Variants in C12orf56 observed in about 807,000 individuals in gnomAD.
C12orf56 encodes the protein uncharacterized protein C12orf56.
A neutral mutation model predicts 69.9 loss-of-function variants in C12orf56; 71 were observed. The ratio of observed to expected loss-of-function variants is 1.02; its 90% CI spans 0.84 to 1.24. The LOEUF is 1.24. C12orf56 is among the 50% of genes most tolerant of loss of function. C12orf56 has a pLI of 0.00. For synonymous variants in C12orf56, 276 were observed against 274.1 expected (o/e 1.01, Z -0.07); for missense variants, 732 against 738.5 (o/e 0.99, Z 0.10).
At chr12:64,273,964 C>T (rs1308535896) in intron 11 of C12orf56, among the ~76,000 whole-genome samples, 4 of 152,262 alleles carry the variant, frequency 2.6e-5, no homozygotes, top group Non-Finnish European at 2.9e-5. Context: ...GGCTGTGACA[C>T]GGCAGAAGCA....
intron 1 of C12orf56, among the ~76,000 whole-genome samples, chr12:64,387,526 C>CA (rs2039810641): frequency 6.6e-6 from 1 of 151,870 alleles, no homozygotes; most frequent in Non-Finnish European, 1.5e-5. Flanking sequence ...AAAAACAAAA[C>CA]AAAAAAACAA....
chr12:64,299,331 C>G (rs1259888954), intron 6 of C12orf56, among the ~76,000 whole-genome samples: 2 of 152,186 alleles, frequency 1.3e-5, no homozygotes, highest in African/African-American at 2.4e-5. Flanking sequence ...CATCTGTGAA[C>G]AGAGACAATT....
chr12:64,330,442 A>G (rs1013830792), intron 3 of C12orf56, among the ~76,000 whole-genome samples: 5 of 152,014 alleles, frequency 3.3e-5, no homozygotes, highest in African/African-American at 1.2e-4. Context: ...TCCTTTACCA[A>G]CTGTCACCAG....
chr12:64,269,684 G>C (rs1032669395), intron 12 of C12orf56, among the ~76,000 whole-genome samples: 1 of 151,882 alleles, frequency 6.6e-6, no homozygotes, highest in African/African-American at 2.4e-5. Context: ...TGCCTCCTGG[G>C]TTCAAGTGAT....
chr12:64,299,698 A>G (rs1045472711), intron 6 of C12orf56, among the ~76,000 whole-genome samples: 1 of 152,272 alleles, frequency 6.6e-6, no homozygotes, highest in East Asian at 1.9e-4. Context: ...CAATCACTAT[A>G]GTAAAAGGGA....
intron 1 of C12orf56, among the ~76,000 whole-genome samples, chr12:64,359,456 T>C (rs921526471): frequency 1.1e-4 from 16 of 152,120 alleles, no homozygotes; most frequent in Non-Finnish European, 2.2e-4. Flanking sequence ...AAGATGTATT[T>C]CCTCCTTTAT....
chr12:64,300,958 G>GT (rs1285331898), intron 6 of C12orf56, among the ~76,000 whole-genome samples: 1 of 152,192 alleles, frequency 6.6e-6, no homozygotes, highest in African/African-American at 2.4e-5. Context: ...CATGCATGCT[G>GT]TTTTCACGAT....
intron 1 of C12orf56, among the ~76,000 whole-genome samples, chr12:64,385,501 A>T (rs528025596): frequency 1.2e-3 from 179 of 152,320 alleles, no homozygotes; most frequent in Non-Finnish European, 1.7e-3. Flanking sequence ...GCTGGGGCTC[A>T]GAGGCATAAA....
intron 3 of C12orf56, among the ~76,000 whole-genome samples, chr12:64,328,081 G>A (rs990526555): frequency 2.2e-4 from 33 of 151,986 alleles, no homozygotes; most frequent in African/African-American, 7.0e-4. Context: ...AGGTCCTCTT[G>A]TTCAAACTGT....
At chr12:64,375,373 T>C (rs2039626435) in intron 1 of C12orf56, among the ~76,000 whole-genome samples, 1 of 152,204 alleles carries the variant, frequency 6.6e-6, no homozygotes, top group African/African-American at 2.4e-5. Flanking sequence ...ATATTTATTT[T>C]AGAGTATGGA....
In C12orf56 at chr12:64,331,014, C is replaced by T; in HGVS notation, c.434G>A (p.Gly145Asp). 1 of 1,549,256 alleles carries T rather than the reference C, an allele frequency of 6.5e-7. No individual in the cohort carries two copies. Among genetic ancestry groups the T allele is most frequent in the Non-Finnish European group, 8.7e-7 (1 of 1,146,896 alleles). Residue 145 changes from glycine to aspartate, a missense_variant, in exon 3 of 13, where the codon GGC (glycine) becomes GAC (aspartate). Transcript: ENST00000543942. ...CTCTTTGCTTCTCCAAAAGGCAAGG[C>T]CGTTCTTTTCTTCCTTGACTTAAAA... ...NNKKVKEEKNGLAFWRSKESR... is the reference protein window; with the variant it reads ...NNKKVKEEKNDLAFWRSKESR...
chr12:64,330,885 A>T (rs2038921013), intron 3 of C12orf56, 75 bp downstream of exon 3: 3 of 1,285,560 alleles, frequency 2.3e-6, no homozygotes, highest in Non-Finnish European at 2.1e-6. Flanking sequence ...GAGAAAAAAA[A>T]TTAAGAAAAA....
chr12:64,277,482 C>T (rs1381611271), intron 9 of C12orf56, among the ~76,000 whole-genome samples, 198 bp downstream of exon 9: 1 of 151,808 alleles, frequency 6.6e-6, no homozygotes, highest in African/African-American at 2.4e-5. Context: ...GTTATTTTTT[C>T]CTTTTTCTTG....
rs749920039 is a variant in C12orf56, at chr12:64,286,044, T to G, written c.1130A>C (p.Tyr377Ser). The G allele has an allele frequency of 2.5e-6, 4 of 1,602,962 alleles. No individual in the cohort carries two copies. Among genetic ancestry groups the G allele is most frequent in the Non-Finnish European group, 3.4e-6 (4 of 1,172,420 alleles). Residue 377 changes from tyrosine to serine, a missense_variant, in exon 7 of 13, where the codon TAT becomes TCT. By Grantham distance (144) the Tyr-to-Ser change is moderately radical. Coordinates refer to ENST00000543942, the MANE Select transcript of C12orf56 (RefSeq NM_001170633.2). ...CTCATGAAGTTTGTTTACTATGAAA[T>G]AGAAAAGGTCACTGGTCTGTGAAAG... ...RLFWKTSDLFYFIVNKLHEYL... is the reference protein window; with the variant it reads ...RLFWKTSDLFSFIVNKLHEYL...
chr12:64,390,210 G>A (rs1258729321), intron 1 of C12orf56, 104 bp downstream of exon 1: 6 of 1,391,700 alleles, frequency 4.3e-6, no homozygotes, highest in Non-Finnish European at 5.7e-6. Flanking sequence ...GGAGTCGAGG[G>A]CAGGATGGGG....
intron 9 of C12orf56, among the ~76,000 whole-genome samples, chr12:64,277,333 T>A (rs1005196511): frequency 6.6e-6 from 1 of 152,124 alleles, no homozygotes; most frequent in Non-Finnish European, 1.5e-5. Context: ...AGACCCCTGC[T>A]ATGGAATTAC....
chr12:64,298,791 G>A (rs1421568098), intron 6 of C12orf56, among the ~76,000 whole-genome samples: 3 of 152,176 alleles, frequency 2.0e-5, no homozygotes, highest in Non-Finnish European at 4.4e-5. Flanking sequence ...TAGCCTTGTA[G>A]TATAGTTTGA....
rs1565773423 is a variant in C12orf56, at chr12:64,358,479, A to ATCATCATCATCATCATC, written c.253-5424_253-5423insGATGATGATGATGATGA. ...TCTCAAAAGTAATAATAATAATAAT[A>ATCATCATCATCATCATC]ATAATCATCATCATCATCATCATCA... On this transcript the variant is annotated intron_variant, in intron 1 of 12. Coordinates refer to ENST00000543942, the MANE Select transcript of C12orf56 (RefSeq NM_001170633.2). 2.5e-3 allele frequency among the ~76,000 whole-genome samples: 63 copies of ATCATCATCATCATCATC among 25,076 alleles called. No homozygotes were observed. In the Admixed American group the frequency reaches 0.03, roughly 12 times the overall value. 16.5% of individuals were successfully genotyped at this position (25,076 alleles called of 152,430 possible).
chr12:64,329,513 A>G lies in C12orf56; in HGVS notation c.488+1447T>C, dbSNP rs187065170. Reference sequence around the variant, plus strand: ...TAATGGTTTATTTATTTATTTATTTATTTATTTATTTATTTATTTTTTATT... The same window carrying G: ...TAATGGTTTATTTATTTATTTATTTGTTTATTTATTTATTTATTTTTTATT... On this transcript the variant is annotated intron_variant, in intron 3 of 12. Transcript: ENST00000543942. 1.5e-3 allele frequency among the ~76,000 whole-genome samples: 232 copies of G among 151,264 alleles called. 3 individuals carry two copies. The highest frequency in any genetic ancestry group is 1.6e-3 in the Non-Finnish European group (106 of 67,796).
Sources: allele counts gnomAD v4.1 joint callset (sites outside exome capture counted in the v4.1 genomes callset), GRCh38; gene constraint gnomAD v4.1.1; transcripts MANE v1.5; gene names NCBI Gene and HGNC (gene_info 2026-07-23, HGNC 2026-07-21).